The following XRN2 variants were observed in gnomAD, a reference collection of about 807,000 sequenced individuals.
XRN2 encodes 5'-3' exoribonuclease 2, also known as DHM1-like protein.
In XRN2, 44 loss-of-function variants were observed where a neutral mutation model predicts 138.5. The ratio of observed to expected loss-of-function variants is 0.32; its 90% CI spans 0.25 to 0.41. The LOEUF (loss-of-function observed/expected upper bound fraction) is 0.41, where lower values mean the gene tolerates loss of function less well. Ranked by LOEUF, XRN2 falls within the 10% of genes least tolerant of loss-of-function variation. The probability of loss-of-function intolerance (pLI) is 1.00; values close to 1 mark genes in which losing one functional copy is unlikely to be tolerated. For missense variants in XRN2, 937 were observed against 1,169.3 expected, an observed-to-expected ratio of 0.80 and a Z score of 2.90; for synonymous variants, 354 against 369.4, an observed-to-expected ratio of 0.96 and a Z score of 0.48.
At chr20:21,385,392 C>CT (rs2038927075) in intron 28 of XRN2, among the ~76,000 whole-genome samples, 1 of 152,212 alleles carries the variant, frequency 6.6e-6, no homozygotes, top group Admixed American at 6.5e-5. Context: ...ACACGGAGCT[C>CT]TTCTTGCTAA....
chr20:21,348,913 G>A (rs959094407), intron 19 of XRN2, among the ~76,000 whole-genome samples: 5 of 152,242 alleles, frequency 3.3e-5, no homozygotes, highest in African/African-American at 1.2e-4. Flanking sequence ...AAAGTGCTGG[G>A]ATTACAGGCG....
At chr20:21,365,793 T>G in intron 26 of XRN2, 89 bp downstream of exon 26, 8 of 604,766 alleles carry the variant, frequency 1.3e-5, no homozygotes, top group Non-Finnish European at 1.6e-5. Flanking sequence ...ATATATAAAT[T>G]TATGCCATAT....
Position 21,346,468 on chromosome 20 carries a change from A to T in XRN2, c.1583A>T (p.Asp528Val), listed in dbSNP as rs2122246372. Residue 528 changes from aspartate to valine, a missense_variant, in exon 17 of 30, where the codon GAT becomes GTT. Physicochemically the swap from Asp to Val is radical, Grantham distance 152. Coordinates refer to ENST00000377191, the MANE Select transcript of XRN2 (RefSeq NM_012255.5). ...TACTACAAGAACAAATTTGATGTGG[A>T]TGCAGCTGATGAGAAATTCCGTCGG... ...QRYYKNKFDV[D>V]AADEKFRRKV... 1.2e-6 allele frequency: 2 copies of T among 1,614,168 alleles called. No individual in the cohort carries two copies. The highest frequency in any genetic ancestry group is 2.2e-5 in the East Asian group (1 of 44,888).
rs779081790 is a variant in XRN2, at chr20:21,386,860, T to C, written c.2649-8T>C. The C allele has an allele frequency of 1.9e-6, 3 of 1,607,480 alleles. No individual in the cohort carries two copies. Among genetic ancestry groups the C allele is most frequent in the Admixed American group, 1.7e-5 (1 of 59,858 alleles). On this transcript the variant is annotated splice_polypyrimidine_tract_variant and splice_region_variant and intron_variant, in intron 28 of 29. Coordinates refer to ENST00000377191, the MANE Select transcript of XRN2 (RefSeq NM_012255.5). ...GGCTTCTGATGTAAAACTGGTACTT[T>C]CCTACAGAGGCGTTGGGGCTGAACC...
intron 9 of XRN2, among the ~76,000 whole-genome samples, chr20:21,333,229 T>C (rs901642348): frequency 1.3e-5 from 2 of 152,192 alleles, no homozygotes; most frequent in African/African-American, 4.8e-5. Flanking sequence ...GAGCTATGTT[T>C]TTTACATTTT....
At chr20:21,380,544 A>G (rs917799858) in intron 27 of XRN2, among the ~76,000 whole-genome samples, 3 of 152,176 alleles carry the variant, frequency 2.0e-5, no homozygotes, top group Non-Finnish European at 2.9e-5. Context: ...TAGGGTGGGG[A>G]ACTGTCTTCC....
chr20:21,342,622 G>A (rs1350073628), intron 15 of XRN2, among the ~76,000 whole-genome samples: 5 of 152,218 alleles, frequency 3.3e-5, no homozygotes, highest in African/African-American at 9.7e-5. Context: ...AAATGGATTA[G>A]TGTAGGGTTG....
chr20:21,324,567 A>G (rs968559573), intron 1 of XRN2, among the ~76,000 whole-genome samples: 1 of 149,788 alleles, frequency 6.7e-6, no homozygotes, highest in African/African-American at 2.5e-5. Flanking sequence ...CTTGCATCTC[A>G]CAAGTATATG....
At position 21,340,701 on chromosome 20, in the gene XRN2, A is replaced by T. The variant is rs1160178157; in HGVS notation, c.1279-20A>T. 1 of 1,607,324 alleles carries T rather than the reference A, an allele frequency of 6.2e-7. No homozygotes were observed. Among genetic ancestry groups the T allele is most frequent in the African/African-American group, 1.3e-5 (1 of 74,806 alleles). ...GTTGTGATTTAATTTTAATTTCTAC[A>T]TTCATTCCATTTATGTTAGAGAGAT... On this transcript the variant is annotated intron_variant, in intron 14 of 29. Coordinates refer to ENST00000377191, the MANE Select transcript of XRN2 (RefSeq NM_012255.5).
At chr20:21,371,605 C>T (rs1341740772) in intron 27 of XRN2, among the ~76,000 whole-genome samples, 1 of 152,204 alleles carries the variant, frequency 6.6e-6, no homozygotes, top group Non-Finnish European at 1.5e-5. Context: ...GCTATCTTTG[C>T]CCTAAGATTT....
At chr20:21,372,737 T>C (rs1031634111) in intron 27 of XRN2, among the ~76,000 whole-genome samples, 4 of 152,196 alleles carry the variant, frequency 2.6e-5, no homozygotes, top group South Asian at 2.1e-4. Context: ...GAAATAGATA[T>C]ATTCATGTAT....
At chr20:21,332,255 C>A in intron 8 of XRN2, 28 bp from the exon 9 acceptor site, 1 of 1,599,316 alleles carries the variant, frequency 6.3e-7, no homozygotes, top group South Asian at 1.1e-5. Context: ...ACTCACTGTT[C>A]GATGTTTTTC....
Position 21,381,979 on chromosome 20 carries a change from C to T in XRN2, c.2585-15C>T. On this transcript the variant is annotated splice_polypyrimidine_tract_variant and intron_variant, in intron 27 of 29. Coordinates refer to ENST00000377191, the MANE Select transcript of XRN2 (RefSeq NM_012255.5). ...TTTTAAAAATCTTCTTAACCCTTTC[C>T]TGTTTCTTTTTCAGATATGAGGCCC... 3 of 1,598,722 alleles carry T rather than the reference C, an allele frequency of 1.9e-6. No homozygotes were observed. Among genetic ancestry groups the T allele is most frequent in the Non-Finnish European group, 1.7e-6 (2 of 1,173,178 alleles).
intron 14 of XRN2, among the ~76,000 whole-genome samples, chr20:21,339,830 G>C (rs2038348513): frequency 6.6e-6 from 1 of 151,948 alleles, no homozygotes; most frequent in East Asian, 1.9e-4. Context: ...TTTAGTTCTT[G>C]TTTTCTTATC....
chr20:21,381,682 T>C (rs896711030), intron 27 of XRN2, among the ~76,000 whole-genome samples: 1 of 144,526 alleles, frequency 6.9e-6, no homozygotes, highest in African/African-American at 2.6e-5. Context: ...AAAAACTGTG[T>C]GTAATGTATG....
Position 21,375,579 on chromosome 20 carries a change from AT to A in XRN2, c.2585-6405del, listed in dbSNP as rs912241589. On this transcript the variant is annotated intron_variant, in intron 27 of 29. Coordinates refer to ENST00000377191, the MANE Select transcript of XRN2 (RefSeq NM_012255.5). ...GGATTATTTAGAAGTATATTGCTTA[AT>A]TTTTTTTTTAATTTATAGGGCTTTT... 3.3e-3 allele frequency among the ~76,000 whole-genome samples: 491 copies of A among 149,244 alleles called. 2 individuals carry two copies. The highest frequency in any genetic ancestry group is 0.011 in the African/African-American group (430 of 40,804).
intron 27 of XRN2, among the ~76,000 whole-genome samples, chr20:21,380,765 G>GGT (rs1471260064): frequency 6.6e-6 from 1 of 152,246 alleles, no homozygotes. Flanking sequence ...GGCACCCATG[G>GGT]GTATGGCTGC....
chr20:21,322,099 AAT>A (rs1375423597), intron 1 of XRN2, among the ~76,000 whole-genome samples: 1 of 152,186 alleles, frequency 6.6e-6, no homozygotes, highest in Admixed American at 6.5e-5. Context: ...TTGTGTTCTT[AAT>A]TGTAAGTGGG....
chr20:21,364,003 C>T (rs1378615325), intron 24 of XRN2, among the ~76,000 whole-genome samples: 1 of 152,030 alleles, frequency 6.6e-6, no homozygotes. Flanking sequence ...GTGGTCTTGG[C>T]TCACTGCGAC....
Sources: gnomAD v4.1 joint callset for allele counts (sites outside exome capture counted in the v4.1 genomes callset) on GRCh38, gnomAD v4.1.1 for gene constraint, MANE v1.5 for transcripts, NCBI Gene and HGNC (gene_info 2026-07-23, HGNC 2026-07-21) for gene names.